FAM184A: variants seen among roughly 807,000 people sequenced by gnomAD.
The protein encoded by FAM184A is protein FAM184A.
Under a neutral mutation model 143.8 loss-of-function variants are expected in FAM184A, and 99 were observed. That is an observed-to-expected ratio of 0.69 (90% CI 0.58 to 0.81). The LOEUF is 0.81. Among genes scored for constraint, FAM184A ranks in the 40% least tolerant of loss-of-function variants. The pLI is 0.00. For synonymous variants in FAM184A, 427 were observed against 446.4 expected (o/e 0.96, Z 0.55); for missense variants, 1,217 against 1,310.5 (o/e 0.93, Z 1.10).
chr6:118,969,385 T>C (rs1783600536), intron 14 of FAM184A, among the ~76,000 whole-genome samples: 1 of 152,096 alleles, frequency 6.6e-6, no homozygotes, highest in African/African-American at 2.4e-5. Flanking sequence ...ATTGATTAAA[T>C]AGAAAAAACA....
At chr6:119,079,009 G>C (rs1343828424), upstream of FAM184A, 1 of 152,206 alleles carries the variant, frequency 6.6e-6, no homozygotes, top group African/African-American at 2.4e-5. Flanking sequence ...AATCACCTTC[G>C]GTTAGCAGAA....
chr6:119,146,905 T>C (rs1177595840), intron 1 of FAM184A, among the ~76,000 whole-genome samples: 2 of 129,946 alleles, frequency 1.5e-5, no homozygotes, highest in Non-Finnish European at 3.3e-5. Context: ...CTCCCAGAGA[T>C]GTGCACCCCC....
intron 1 of FAM184A, among the ~76,000 whole-genome samples, chr6:119,089,161 T>A (rs768778987): frequency 1.4e-5 from 2 of 147,580 alleles, no homozygotes; most frequent in East Asian, 2.0e-4. Context: ...TAACACCTAT[T>A]TTTTTTTTTT....
chr6:119,087,318 G>C (rs1422860609), intron 1 of FAM184A, among the ~76,000 whole-genome samples: 2 of 152,102 alleles, frequency 1.3e-5, no homozygotes, highest in Non-Finnish European at 2.9e-5. Flanking sequence ...TGAAATATGA[G>C]AAAACATTTG....
chr6:119,110,434 AC>A (rs1394229660), intron 1 of FAM184A, among the ~76,000 whole-genome samples: 1 of 151,988 alleles, frequency 6.6e-6, no homozygotes, highest in African/African-American at 2.4e-5. Flanking sequence ...ACTGTGGCAT[AC>A]CCTCATCTCG....
intron 14 of FAM184A, among the ~76,000 whole-genome samples, chr6:118,969,996 A>ATG: frequency 1.0e-4 from 3 of 29,820 alleles, no homozygotes; most frequent in Non-Finnish European, 2.0e-4. Flanking sequence ...TATATATAAT[A>ATG]TATATATATA....
intron 1 of FAM184A, among the ~76,000 whole-genome samples, chr6:119,108,771 C>T (rs1379280412): frequency 6.6e-6 from 1 of 152,136 alleles, no homozygotes; most frequent in Non-Finnish European, 1.5e-5. Flanking sequence ...GCTTGGGTAC[C>T]TGGGATGCTC....
intron 9 of FAM184A, among the ~76,000 whole-genome samples, chr6:118,996,538 T>C (rs1212664549): frequency 6.6e-6 from 1 of 152,180 alleles, no homozygotes; most frequent in Non-Finnish European, 1.5e-5. Context: ...CTCTCTCCTA[T>C]GACTTTCCCT....
chr6:119,021,938 T>C (rs2114684946), intron 3 of FAM184A, among the ~76,000 whole-genome samples: 1 of 152,070 alleles, frequency 6.6e-6, no homozygotes, highest in Non-Finnish European at 1.5e-5. Flanking sequence ...TTCATGCCAC[T>C]GCACTCCAGT....
intron 1 of FAM184A, among the ~76,000 whole-genome samples, chr6:119,058,642 T>C (rs899146485): frequency 6.6e-6 from 1 of 152,176 alleles, no homozygotes; most frequent in Non-Finnish European, 1.5e-5. Flanking sequence ...CCGGAACACT[T>C]AGTCTCCAGG....
rs1373385500 is a variant in FAM184A, at chr6:118,964,747, C to T, written c.3058G>A (p.Glu1020Lys). Residue 1020 changes from glutamate to lysine, a missense_variant, in exon 16 of 18, where the codon GAA (glutamate) becomes AAA (lysine). By Grantham distance (56) the Glu-to-Lys change is moderately conservative. Coordinates refer to ENST00000338891, the MANE Select transcript of FAM184A (RefSeq NM_024581.6). The stretch of plus-strand genomic sequence containing the variant: ...AAGTTAGTTTCTCGATTGACTAATT[C>T]CAGCTGATAAAACTTATTATCCTCC... ...LIEDNKFYQL[E>K]LVNRETNFNK... 3.1e-6 allele frequency: 5 copies of T among 1,600,110 alleles called. No homozygotes were observed. In the Admixed American group the frequency reaches 5.0e-5, roughly 16 times the overall value.
At chr6:119,114,618 T>C (rs1789012185) in intron 1 of FAM184A, among the ~76,000 whole-genome samples, 1 of 152,244 alleles carries the variant, frequency 6.6e-6, no homozygotes, top group Non-Finnish European at 1.5e-5. Flanking sequence ...AACTACTCAC[T>C]GCAACCGCCA....
At position 118,981,161 on chromosome 6, in the gene FAM184A, CTTAAAA is replaced by C. The variant is rs575972089; in HGVS notation, c.2089-817_2089-812del. On this transcript the variant is annotated intron_variant, in intron 9 of 17. Coordinates refer to ENST00000338891, the MANE Select transcript of FAM184A (RefSeq NM_024581.6). Reference sequence around the variant, plus strand: ...TATCACTTCTAGATGTCTTAATATACTTAAAATTAAGTATTTTGGGAAGAATAAAAA... The same window carrying C: ...TATCACTTCTAGATGTCTTAATATACTTAAGTATTTTGGGAAGAATAAAAA... Among the ~76,000 whole-genome samples the C allele has an allele frequency of 7.5e-3, 1,135 of 152,216 alleles. 6 individuals are homozygous for C. The highest frequency in any genetic ancestry group is 0.024 in the South Asian group (116 of 4,822).
At chr6:119,126,749 G>T (rs934997230) in intron 1 of FAM184A, among the ~76,000 whole-genome samples, 9 of 152,186 alleles carry the variant, frequency 5.9e-5, no homozygotes, top group African/African-American at 2.2e-4. Context: ...TGTACCCCGA[G>T]CTCTTGTCTG....
At chr6:118,973,157 A>G (rs189554816) in intron 14 of FAM184A, among the ~76,000 whole-genome samples, 74 of 152,312 alleles carry the variant, frequency 4.9e-4, no homozygotes, top group African/African-American at 1.8e-3. Context: ...CATCAGAAAG[A>G]GCACCTCATC....
At chr6:119,004,513 T>C (rs1275093271) in intron 7 of FAM184A, among the ~76,000 whole-genome samples, 2 of 152,212 alleles carry the variant, frequency 1.3e-5, no homozygotes, top group East Asian at 3.8e-4. Flanking sequence ...TCACTAAGTG[T>C]TTTGCCTCTA....
chr6:119,091,886 A>T (rs1254724438), intron 1 of FAM184A, among the ~76,000 whole-genome samples: 1 of 152,204 alleles, frequency 6.6e-6, no homozygotes, highest in African/African-American at 2.4e-5. Flanking sequence ...GAATGAGCCA[A>T]TACAGTTGGG....
chr6:119,069,127 C>A (rs1358302866), intron 1 of FAM184A: 7 of 320,946 alleles, frequency 2.2e-5, no homozygotes, highest in Non-Finnish European at 4.9e-5. Context: ...TTTGCGCCAA[C>A]CTAAATATAT....
At chr6:119,041,868 T>G (rs894690992) in intron 1 of FAM184A, among the ~76,000 whole-genome samples, 2 of 152,096 alleles carry the variant, frequency 1.3e-5, no homozygotes, top group African/African-American at 4.8e-5. Context: ...ACGGTTCTCT[T>G]CCATGACCCA....
Sources: gnomAD v4.1 joint callset for allele counts (sites outside exome capture counted in the v4.1 genomes callset) on GRCh38, gnomAD v4.1.1 for gene constraint, MANE v1.5 for transcripts, NCBI Gene and HGNC (gene_info 2026-07-23, HGNC 2026-07-21) for gene names.